Variants in CYP2C18 observed in about 807,000 individuals in gnomAD.
The protein encoded by CYP2C18 is cytochrome P450 2C18.
Under a neutral mutation model 41.3 loss-of-function variants are expected in CYP2C18, and 38 were observed. The ratio of observed to expected loss-of-function variants is 0.92; its 90% CI spans 0.71 to 1.21. CYP2C18 has a LOEUF of 1.21. Among genes scored for constraint, CYP2C18 ranks in the 50% most tolerant of loss-of-function variants. The pLI, the probability that CYP2C18 is intolerant of heterozygous loss-of-function variation, is 0.00. For synonymous variants in CYP2C18, 236 were observed against 210.0 expected (o/e 1.12, Z -1.07); for missense variants, 635 against 591.4 (o/e 1.07, Z -0.77).
At chr10:94,701,691 G>C (rs1485119989) in intron 4 of CYP2C18, among the ~76,000 whole-genome samples, 1 of 152,166 alleles carries the variant, frequency 6.6e-6, no homozygotes, top group Non-Finnish European at 1.5e-5. Flanking sequence ...GTTGTTCCCA[G>C]TTTCCCATGA....
At chr10:94,725,053 G>A (rs1272336971) in intron 7 of CYP2C18, among the ~76,000 whole-genome samples, 1 of 148,220 alleles carries the variant, frequency 6.7e-6, no homozygotes, top group African/African-American at 2.5e-5. Flanking sequence ...CTATGTAATT[G>A]TAAGTTGTGT....
intron 7 of CYP2C18, among the ~76,000 whole-genome samples, chr10:94,726,605 G>T (rs758736804): frequency 6.6e-6 from 1 of 152,040 alleles, no homozygotes; most frequent in African/African-American, 2.4e-5. Flanking sequence ...GGACATTTGG[G>T]TTGGTTCCAA....
In CYP2C18 at chr10:94,683,838, C is replaced by G. The variant is rs757242298; in HGVS notation, c.19C>G (p.Leu7Val). Reference protein sequence around the residue: MDPAVALVLCLSCLFLL... With the variant: MDPAVAVVLCLSCLFLL... ...GCCTTCAATGGATCCAGCTGTGGCTCTGGTGCTCTGTCTCTCCTGTTTGTT... is the reference window on the plus strand; with the variant it reads ...GCCTTCAATGGATCCAGCTGTGGCTGTGGTGCTCTGTCTCTCCTGTTTGTT... Residue 7 changes from leucine to valine, a missense_variant, in exon 1 of 9, where the codon CTG (leucine) becomes GTG (valine). Physicochemically the swap from Leu to Val is conservative, Grantham distance 32. Transcript: ENST00000285979. 5.6e-6 allele frequency: 9 copies of G among 1,604,820 alleles called. No homozygotes were observed. The African/African-American group carries it at 6.7e-5, about 12-fold the overall frequency.
At chr10:94,721,338 C>T (rs1481402366) in intron 6 of CYP2C18, among the ~76,000 whole-genome samples, 1 of 152,052 alleles carries the variant, frequency 6.6e-6, no homozygotes, top group African/African-American at 2.4e-5. Flanking sequence ...TAGATCTTCC[C>T]TTATTCTGAA....
At position 94,734,373 on chromosome 10, in the gene CYP2C18, G is replaced by T. The variant is rs187508171; in HGVS notation, c.1292-890G>T. On this transcript the variant is annotated intron_variant, in intron 8 of 8. Coordinates refer to ENST00000285979, the MANE Select transcript of CYP2C18 (RefSeq NM_000772.3). ...GATCTGGCACTGTATACACTGAGAT[G>T]TCAAGAACTAAGGCCTTCTTTTAAG... is the stretch of plus-strand genomic sequence containing the variant. Among the ~76,000 whole-genome samples the T allele has an allele frequency of 1.7e-3, 252 of 152,234 alleles. 1 individual carries two copies. The highest frequency in any genetic ancestry group is 2.6e-3 in the Non-Finnish European group (180 of 67,998).
chr10:94,733,501 C>T, intron 8 of CYP2C18, 63 bp downstream of exon 8: 3 of 1,597,696 alleles, frequency 1.9e-6, no homozygotes, highest in Non-Finnish European at 1.7e-6. Flanking sequence ...GATCAGTTGA[C>T]TCTTACATGA....
intron 5 of CYP2C18, among the ~76,000 whole-genome samples, chr10:94,717,342 G>T (rs184027144): frequency 6.6e-6 from 1 of 152,230 alleles, no homozygotes; most frequent in East Asian, 1.9e-4. Flanking sequence ...TCCATGTTTA[G>T]TGCTTCCTTC....
At position 94,715,374 on chromosome 10, in the gene CYP2C18, G is replaced by C. The variant is rs184447853; in HGVS notation, c.820-5022G>C. Among the ~76,000 whole-genome samples the C allele has an allele frequency of 3.9e-3, 595 of 152,306 alleles. 3 individuals carry two copies. Among genetic ancestry groups the C allele is most frequent in the African/African-American group, 0.014 (566 of 41,576 alleles). ...GTCCCATCAATACCGAATTTATTGA[G>C]AGTTTTTAGCATGAAGGTTTTTGAA... On this transcript the variant is annotated intron_variant, in intron 5 of 8. Coordinates refer to ENST00000285979, the MANE Select transcript of CYP2C18 (RefSeq NM_000772.3).
At chr10:94,686,684 T>C (rs572278162) in intron 1 of CYP2C18, among the ~76,000 whole-genome samples, 1 of 152,334 alleles carries the variant, frequency 6.6e-6, no homozygotes, top group Non-Finnish European at 1.5e-5. Flanking sequence ...AAGTATGCTA[T>C]TGTAAAGCAA....
At chr10:94,708,773 T>C (rs1447267212) in intron 5 of CYP2C18, among the ~76,000 whole-genome samples, 1 of 152,204 alleles carries the variant, frequency 6.6e-6, no homozygotes, top group Non-Finnish European at 1.5e-5. Context: ...ACTAATATAC[T>C]GTCTGTCTCT....
chr10:94,694,985 C>T lies in CYP2C18; in HGVS notation c.550C>T (p.His184Tyr). ...CAATGTGATCTGCTCTGTTATTTTC[C>T]ATGATCGATTTGATTATAAAGATCA... ...PCNVICSVIF[H>Y]DRFDYKDQRF... Residue 184 changes from histidine (H) to tyrosine (Y), a missense_variant, in exon 4 of 9, where the codon CAT (histidine) becomes TAT (tyrosine). Physicochemically the swap from His to Tyr is moderately conservative, Grantham distance 83 (BLOSUM62 2). Coordinates refer to ENST00000285979, the MANE Select transcript of CYP2C18 (RefSeq NM_000772.3). 2 of 1,613,212 alleles carry T rather than the reference C, an allele frequency of 1.2e-6. No homozygotes were observed. Among genetic ancestry groups the T allele is most frequent in the Non-Finnish European group, 1.7e-6 (2 of 1,179,856 alleles).
intron 7 of CYP2C18, among the ~76,000 whole-genome samples, chr10:94,725,156 A>T (rs1199192045): frequency 6.6e-6 from 1 of 150,418 alleles, no homozygotes; most frequent in Non-Finnish European, 1.5e-5. Context: ...TATGTTGCAC[A>T]GATTGATCTT....
At chr10:94,729,384 C>G (rs1417460336) in intron 7 of CYP2C18, among the ~76,000 whole-genome samples, 2 of 152,250 alleles carry the variant, frequency 1.3e-5, no homozygotes, top group South Asian at 2.1e-4. Context: ...AGTCAAAAAT[C>G]TTCTCAGGTT....
At chr10:94,690,419 A>G (rs1846975218) in intron 3 of CYP2C18, among the ~76,000 whole-genome samples, 1 of 152,222 alleles carries the variant, frequency 6.6e-6, no homozygotes, top group Non-Finnish European at 1.5e-5. Context: ...TATGCAAATA[A>G]ACTAGGAAAT....
chr10:94,708,543 A>G (rs763279221), intron 5 of CYP2C18, among the ~76,000 whole-genome samples: 6 of 152,192 alleles, frequency 3.9e-5, no homozygotes, highest in Non-Finnish European at 5.9e-5. Flanking sequence ...TGACCTCACT[A>G]TAATATTTAG....
Position 94,683,848 on chromosome 10 carries a change from G to C in CYP2C18, c.29G>C (p.Cys10Ser), listed in dbSNP as rs1318860454. 6.2e-7 allele frequency: 1 copy of C among 1,608,844 alleles called. No homozygotes were observed. Among genetic ancestry groups the C allele is most frequent in the Non-Finnish European group, 8.5e-7 (1 of 1,177,740 alleles). Residue 10 changes from cysteine (C) to serine (S), a missense_variant, in exon 1 of 9, where the codon TGT becomes TCT. Transcript: ENST00000285979. ...GATCCAGCTGTGGCTCTGGTGCTCT[G>C]TCTCTCCTGTTTGTTTCTCCTTTCA... Reference protein sequence around the residue: MDPAVALVLCLSCLFLLSLW... With the variant: MDPAVALVLSLSCLFLLSLW...
chr10:94,714,106 AT>A (rs1463231212), intron 5 of CYP2C18, among the ~76,000 whole-genome samples: 1 of 151,862 alleles, frequency 6.6e-6, no homozygotes, highest in Non-Finnish European at 1.5e-5. Flanking sequence ...GATTGCAAAA[AT>A]TTTCTCTCAT....
chr10:94,696,083 A>T (rs1847112056), intron 4 of CYP2C18, among the ~76,000 whole-genome samples: 1 of 152,162 alleles, frequency 6.6e-6, no homozygotes, highest in Non-Finnish European at 1.5e-5. Context: ...AAAAGGCAGC[A>T]GAAAACTCTG....
chr10:94,686,898 A>G (rs1173348144), intron 1 of CYP2C18, among the ~76,000 whole-genome samples: 4 of 152,218 alleles, frequency 2.6e-5, no homozygotes, highest in Admixed American at 6.5e-5. Context: ...GTGATTAAAG[A>G]TTTTGAGAAG....
Sources: gnomAD v4.1 joint callset for allele counts (sites outside exome capture counted in the v4.1 genomes callset) on GRCh38, gnomAD v4.1.1 for gene constraint, MANE v1.5 for transcripts, NCBI Gene and HGNC (gene_info 2026-07-23, HGNC 2026-07-21) for gene names.